The following AKAP7 variants were observed in gnomAD, a reference collection of about 807,000 sequenced individuals.
The protein encoded by AKAP7 is A-kinase anchoring protein 7, also known as A kinase (PRKA) anchor protein 7.
AKAP7 carries 39 observed loss-of-function variants against 39.5 expected under a neutral mutation model. The ratio of observed to expected loss-of-function variants is 0.99; its 90% CI spans 0.76 to 1.29. The LOEUF is 1.29. Ranked by LOEUF, AKAP7 falls within the 50% of genes most tolerant of loss-of-function variation. AKAP7 has a pLI of 0.00. For missense variants in AKAP7, 414 were observed against 407.7 expected, an observed-to-expected ratio of 1.02 and a Z score of -0.13; for synonymous variants, 140 against 139.1, an observed-to-expected ratio of 1.01 and a Z score of -0.05.
intron 5 of AKAP7, among the ~76,000 whole-genome samples, chr6:131,178,722 C>T (rs186193721): frequency 3.9e-5 from 6 of 152,298 alleles, no homozygotes; most frequent in East Asian, 3.9e-4. Context: ...GTGGCTCTTT[C>T]AGTTGTCCTA....
intron 7 of AKAP7, among the ~76,000 whole-genome samples, chr6:131,227,547 G>A (rs1810280384): frequency 6.6e-6 from 1 of 152,222 alleles, no homozygotes; most frequent in Non-Finnish European, 1.5e-5. Context: ...ACAGGACCGA[G>A]TCCTAAAGAT....
intron 6 of AKAP7, among the ~76,000 whole-genome samples, chr6:131,215,653 A>G (rs1809105627): frequency 6.6e-6 from 1 of 152,256 alleles, no homozygotes; most frequent in South Asian, 2.1e-4. Context: ...TGCCAGGGAT[A>G]AGCCCCATGC....
chr6:131,228,864 G>C (rs758909045), intron 7 of AKAP7, among the ~76,000 whole-genome samples: 5 of 152,074 alleles, frequency 3.3e-5, no homozygotes, highest in Non-Finnish European at 7.4e-5. Flanking sequence ...CTAGACAGTT[G>C]CAACTAAAAA....
chr6:131,248,620 G>A (rs1812218061), intron 7 of AKAP7, among the ~76,000 whole-genome samples: 1 of 152,152 alleles, frequency 6.6e-6, no homozygotes, highest in Non-Finnish European at 1.5e-5. Flanking sequence ...AGAGGACCAA[G>A]GGCTTCTCTG....
chr6:131,248,829 A>G (rs1343525393), intron 7 of AKAP7, among the ~76,000 whole-genome samples: 1 of 152,222 alleles, frequency 6.6e-6, no homozygotes, highest in Non-Finnish European at 1.5e-5. Flanking sequence ...AAATCATTTT[A>G]TATTTTAAAA....
At chr6:131,278,049 C>CT (rs1338686448) in intron 7 of AKAP7, among the ~76,000 whole-genome samples, 1 of 151,866 alleles carries the variant, frequency 6.6e-6, no homozygotes, top group Non-Finnish European at 1.5e-5. Context: ...GTGTGCTGTC[C>CT]TTATAGGAAG....
rs575999482 is a variant in AKAP7, at chr6:131,185,170, T to C, written c.590-14291T>C. ...CTGTCCTGAGAGATCAGCCCCTCCT[T>C]CTTCAGGGTGGGGTCTGTGTCTGGC... On this transcript the variant is annotated intron_variant, in intron 5 of 7. Coordinates refer to ENST00000431975, the MANE Select transcript of AKAP7 (RefSeq NM_016377.4). 3.6e-5 allele frequency: 19 copies of C among 524,272 alleles called. No homozygotes were observed. In the Admixed American group the frequency reaches 4.4e-4, roughly 12 times the overall value. 32.5% of individuals were successfully genotyped at this position (524,272 alleles called of 1,614,324 possible).
intron 7 of AKAP7, among the ~76,000 whole-genome samples, chr6:131,225,418 T>A (rs1463460428): frequency 6.6e-6 from 1 of 152,244 alleles, no homozygotes; most frequent in African/African-American, 2.4e-5. Flanking sequence ...TTTCTTCTTC[T>A]GGATTCTGTT....
At chr6:131,276,452 T>C (rs1814750483) in intron 7 of AKAP7, among the ~76,000 whole-genome samples, 1 of 152,064 alleles carries the variant, frequency 6.6e-6, no homozygotes. Flanking sequence ...GCAGGTAGTG[T>C]GCAAGGCAGC....
intron 6 of AKAP7, among the ~76,000 whole-genome samples, chr6:131,202,765 T>G (rs1412282394): frequency 6.6e-6 from 1 of 151,444 alleles, no homozygotes; most frequent in East Asian, 1.9e-4. Context: ...ATAATAATAA[T>G]AAAATAAAAT....
chr6:131,203,357 C>T (rs897569870), intron 6 of AKAP7, among the ~76,000 whole-genome samples: 1 of 152,000 alleles, frequency 6.6e-6, no homozygotes, highest in African/African-American at 2.4e-5. Flanking sequence ...AGCAAGTGAC[C>T]ATTAAATAAA....
At chr6:131,235,449 G>GTATT (rs1260599334) in intron 7 of AKAP7, among the ~76,000 whole-genome samples, 4 of 152,112 alleles carry the variant, frequency 2.6e-5, no homozygotes, top group African/African-American at 9.7e-5. Context: ...GGGTCAAATG[G>GTATT]TATTTCTAGT....
Position 131,250,423 on chromosome 6 carries a change from C to T in AKAP7, c.850+30615C>T, listed in dbSNP as rs552633433. The T allele has an allele frequency of 4.1e-3, 6,013 of 1,464,862 alleles. 23 individuals carry two copies. The highest frequency in any genetic ancestry group is 4.3e-3 in the Non-Finnish European group (4,735 of 1,103,480). The allele number at this position is 1,464,862 out of a possible 1,614,324, so 90.7% of individuals were successfully genotyped here. A position where few individuals can be genotyped will look rare whatever the true frequency, so the allele number is the denominator to read the frequency against. ...CCTTCTCCTTTCTCTCCCCCGGCGG[C>T]GTGTGCATTGGCTCTTCAAGCTGCC... is the stretch of plus-strand genomic sequence containing the variant. On this transcript the variant is annotated intron_variant, in intron 7 of 7. Coordinates refer to ENST00000431975, the MANE Select transcript of AKAP7 (RefSeq NM_016377.4).
chr6:131,265,890 A>G (rs1001702189), intron 7 of AKAP7, among the ~76,000 whole-genome samples: 4 of 152,222 alleles, frequency 2.6e-5, no homozygotes, highest in African/African-American at 9.6e-5. Flanking sequence ...ATAGATGCGT[A>G]CTATGACGTC....
chr6:131,211,601 TAAA>T (rs556028216), intron 6 of AKAP7, among the ~76,000 whole-genome samples: 1 of 140,114 alleles, frequency 7.1e-6, no homozygotes, highest in Non-Finnish European at 1.6e-5. Flanking sequence ...CCATCTCTAC[TAAA>T]AAAAAAAAAA....
intron 5 of AKAP7, among the ~76,000 whole-genome samples, chr6:131,183,419 G>T (rs188595481): frequency 6.6e-6 from 1 of 152,292 alleles, no homozygotes; most frequent in African/African-American, 2.4e-5. Flanking sequence ...GTTCAGGGCA[G>T]GAGGCTGAAT....
the AKAP7 span, among the ~76,000 whole-genome samples, chr6:131,127,901 T>C: frequency 2.0e-5 from 3 of 152,184 alleles, no homozygotes; most frequent in African/African-American, 7.2e-5. Context: ...TGGAGGCCAT[T>C]ATCCTTAGCA....
intron 7 of AKAP7, among the ~76,000 whole-genome samples, chr6:131,230,220 G>GT (rs1810520490): frequency 6.6e-6 from 1 of 152,154 alleles, no homozygotes; most frequent in South Asian, 2.1e-4. Flanking sequence ...CCAAAAGTAT[G>GT]TAAGTGTTCC....
chr6:131,260,916 G>A (rs1171521375), intron 7 of AKAP7, among the ~76,000 whole-genome samples: 2 of 151,908 alleles, frequency 1.3e-5, no homozygotes, highest in African/African-American at 4.8e-5. Context: ...TATTTTAATG[G>A]CCCGGCACAG....
Sources: allele counts gnomAD v4.1 joint callset (sites outside exome capture counted in the v4.1 genomes callset), GRCh38; gene constraint gnomAD v4.1.1; transcripts MANE v1.5; gene names NCBI Gene and HGNC (gene_info 2026-07-23, HGNC 2026-07-21).